Variants in TBC1D2B observed in about 807,000 individuals in gnomAD.
The protein encoded by TBC1D2B is TBC1 domain family member 2B.
In TBC1D2B, 64 loss-of-function variants were observed where a neutral mutation model predicts 100.8. The ratio of observed to expected loss-of-function variants is 0.64; its 90% CI spans 0.52 to 0.78. The LOEUF (loss-of-function observed/expected upper bound fraction) is 0.78, where lower values mean the gene tolerates loss of function less well. TBC1D2B is among the 30% of genes least tolerant of loss of function. The probability of loss-of-function intolerance (pLI) is 0.00; values close to 1 mark genes in which losing one functional copy is unlikely to be tolerated. For missense variants in TBC1D2B, 1,052 were observed against 1,218.4 expected, an observed-to-expected ratio of 0.86 and a Z score of 2.03; for synonymous variants, 480 against 479.7, an observed-to-expected ratio of 1.00 and a Z score of -0.01.
chr15:78,075,066 A>G (rs1439489786), intron 1 of TBC1D2B, among the ~76,000 whole-genome samples: 2 of 152,240 alleles, frequency 1.3e-5, no homozygotes, highest in Non-Finnish European at 2.9e-5. Context: ...AAACTGGAGC[A>G]GGGAACTGGT....
intron 3 of TBC1D2B, among the ~76,000 whole-genome samples, chr15:78,036,865 G>A (rs778583707): frequency 1.3e-5 from 2 of 152,158 alleles, no homozygotes; most frequent in Non-Finnish European, 2.9e-5. Flanking sequence ...GGCTTCAGCT[G>A]GCATTCAAGT....
Position 77,998,149 on chromosome 15 carries a change from C to T in TBC1D2B, c.*11G>A. 1 of 1,504,722 alleles carries T rather than the reference C, an allele frequency of 6.6e-7. No homozygotes were observed. The highest frequency in any genetic ancestry group is 8.9e-7 in the Non-Finnish European group (1 of 1,121,736). The allele number at this position is 1,504,722 out of a possible 1,614,324, so 93.2% of individuals were successfully genotyped here. ...GTTGTGAAGGAAGGAAGAGCAGCATCCCGAGCCCACTCAGGTATCCTCCTC... is the reference window on the plus strand; with the variant it reads ...GTTGTGAAGGAAGGAAGAGCAGCATTCCGAGCCCACTCAGGTATCCTCCTC... On this transcript the variant is annotated 3_prime_UTR_variant, in exon 13 of 13. Coordinates refer to ENST00000300584, the MANE Select transcript of TBC1D2B (RefSeq NM_144572.2).
Position 78,067,898 on chromosome 15 carries a change from T to C in TBC1D2B, c.360+9395A>G, listed in dbSNP as rs1234028297. ...GCTACACAATTATACCAACATTTACTAACTCCCTTGTCCCATCTTCTTCAG... is the reference window on the plus strand; with the variant it reads ...GCTACACAATTATACCAACATTTACCAACTCCCTTGTCCCATCTTCTTCAG... On this transcript the variant is annotated intron_variant, in intron 1 of 12. Coordinates refer to ENST00000300584, the MANE Select transcript of TBC1D2B (RefSeq NM_144572.2). Among the ~76,000 whole-genome samples the C allele has an allele frequency of 2.0e-5, 3 of 152,276 alleles. No individual in the cohort carries two copies. In the East Asian group the frequency reaches 5.8e-4, roughly 29 times the overall value.
At chr15:78,064,032 T>C (rs539943028) in intron 1 of TBC1D2B, among the ~76,000 whole-genome samples, 5 of 152,314 alleles carry the variant, frequency 3.3e-5, no homozygotes, top group African/African-American at 1.2e-4. Flanking sequence ...AACTCTCTCA[T>C]GGCTTCCAAG....
chr15:78,061,420 A>C (rs1250581918), intron 1 of TBC1D2B, among the ~76,000 whole-genome samples: 1 of 150,376 alleles, frequency 6.6e-6, no homozygotes, highest in Non-Finnish European at 1.5e-5. Flanking sequence ...AAAAAGTACA[A>C]AAATTAGCCA....
rs557249448 is a variant in TBC1D2B, at chr15:78,050,062, T to C, written c.514+3972A>G. Among the ~76,000 whole-genome samples the C allele has an allele frequency of 5.3e-5, 8 of 152,338 alleles. No homozygotes were observed. The East Asian group carries it at 9.6e-4, about 18-fold the overall frequency. On this transcript the variant is annotated intron_variant, in intron 2 of 12. Coordinates refer to ENST00000300584, the MANE Select transcript of TBC1D2B (RefSeq NM_144572.2). ...ATGGAATCACGACATTAAAGGATGA[T>C]GTGTAATTCCTGTGGCACTGCCAAC...
chr15:78,003,686 C>A (rs920408590), intron 10 of TBC1D2B, 196 bp from the exon 11 acceptor site: 6 of 534,052 alleles, frequency 1.1e-5, no homozygotes, highest in East Asian at 2.8e-5. Context: ...ACTGCAGGTA[C>A]ACACCGAGTG....
At chr15:78,064,650 C>T (rs1015971038) in intron 1 of TBC1D2B, among the ~76,000 whole-genome samples, 1 of 152,186 alleles carries the variant, frequency 6.6e-6, no homozygotes, top group Non-Finnish European at 1.5e-5. Flanking sequence ...AAAACAGACT[C>T]TAACCCCGAA....
chr15:78,018,847 A>C (rs2072442378), intron 6 of TBC1D2B, among the ~76,000 whole-genome samples: 1 of 152,192 alleles, frequency 6.6e-6, no homozygotes, highest in South Asian at 2.1e-4. Context: ...TGAACTGAAG[A>C]AGCTGCTAAG....
chr15:78,017,268 T>C (rs948487679), intron 7 of TBC1D2B: 4 of 153,794 alleles, frequency 2.6e-5, no homozygotes, highest in African/African-American at 9.6e-5. Flanking sequence ...ACAAGTATCA[T>C]TTGATTACAG....
At chr15:78,023,824 C>T (rs1717890377) in intron 6 of TBC1D2B, among the ~76,000 whole-genome samples, 1 of 152,146 alleles carries the variant, frequency 6.6e-6, no homozygotes, top group Non-Finnish European at 1.5e-5. Flanking sequence ...ATTTCATGCA[C>T]ACAGGAGAGG....
chr15:78,031,982 G>A (rs1223610125), intron 3 of TBC1D2B, among the ~76,000 whole-genome samples: 1 of 152,182 alleles, frequency 6.6e-6, no homozygotes, highest in African/African-American at 2.4e-5. Context: ...TCTGAGATGA[G>A]AAGATAGAGT....
intron 3 of TBC1D2B, among the ~76,000 whole-genome samples, chr15:78,039,724 T>TC (rs778920267): frequency 6.7e-6 from 1 of 149,604 alleles, no homozygotes; most frequent in Non-Finnish European, 1.5e-5. Flanking sequence ...TAACACTCAC[T>TC]CCCACCCATC....
chr15:78,072,918 T>C (rs2073763102), intron 1 of TBC1D2B, among the ~76,000 whole-genome samples: 1 of 152,178 alleles, frequency 6.6e-6, no homozygotes, highest in Non-Finnish European at 1.5e-5. Flanking sequence ...CAAAAGGTAC[T>C]AGGCATCCTG....
chr15:78,011,017 T>C (rs2072208567), intron 9 of TBC1D2B, among the ~76,000 whole-genome samples: 1 of 152,198 alleles, frequency 6.6e-6, no homozygotes, highest in South Asian at 2.1e-4. Flanking sequence ...TTTCACGGGT[T>C]TCCAGCTTCC....
chr15:78,030,713 T>TA (rs2072787524), intron 3 of TBC1D2B, among the ~76,000 whole-genome samples: 2 of 152,142 alleles, frequency 1.3e-5, no homozygotes, highest in Admixed American at 1.3e-4. Context: ...TGCCTACCCC[T>TA]AACACCCAGT....
chr15:78,009,565 C>T lies in TBC1D2B; in HGVS notation c.2271-451G>A, dbSNP rs144022878. On this transcript the variant is annotated intron_variant, in intron 9 of 12. Transcript: ENST00000300584. ...ATTAAAAAAAAAAAAGGAGGGGGTG[C>T]ATTTCCTAAAATTTGAGAAGCAAAG... Among the ~76,000 whole-genome samples, 1,490 of 151,900 alleles carry T rather than the reference C, an allele frequency of 9.8e-3. 12 individuals carry two copies. Among genetic ancestry groups the T allele is most frequent in the Middle Eastern group, 0.065 (19 of 292 alleles).
At chr15:78,006,703 C>A (rs989176759) in intron 10 of TBC1D2B, among the ~76,000 whole-genome samples, 1 of 152,218 alleles carries the variant, frequency 6.6e-6, no homozygotes, top group African/African-American at 2.4e-5. Flanking sequence ...TCCCAGTTTT[C>A]TCCCAAGTCA....
intron 2 of TBC1D2B, chr15:78,053,787 C>T (rs1308299364): frequency 9.9e-6 from 4 of 405,316 alleles, no homozygotes; most frequent in Middle Eastern, 6.4e-4. Flanking sequence ...CACAACTTAC[C>T]ACATGCTGAC....
Sources: gnomAD v4.1 joint callset for allele counts (sites outside exome capture counted in the v4.1 genomes callset) on GRCh38, gnomAD v4.1.1 for gene constraint, MANE v1.5 for transcripts, NCBI Gene and HGNC (gene_info 2026-07-23, HGNC 2026-07-21) for gene names.